The following TMEM175 variants were observed in gnomAD, a reference collection of about 807,000 sequenced individuals.
TMEM175 encodes endosomal/lysosomal proton channel TMEM175.
Under a neutral mutation model 36.5 loss-of-function variants are expected in TMEM175, and 36 were observed. The observed-to-expected ratio is 0.99, with a 90% CI of 0.76 to 1.30. The LOEUF (loss-of-function observed/expected upper bound fraction) is 1.30, where lower values mean the gene tolerates loss of function less well. Among genes scored for constraint, TMEM175 ranks in the 50% most tolerant of loss-of-function variants. TMEM175 has a pLI of 0.00. For synonymous variants in TMEM175, 339 were observed against 313.4 expected (o/e 1.08, Z -0.86); for missense variants, 705 against 692.8 (o/e 1.02, Z -0.20).
At chr4:946,786 A>G (rs1728190418) in intron 1 of TMEM175, among the ~76,000 whole-genome samples, 1 of 152,154 alleles carries the variant, frequency 6.6e-6, no homozygotes, top group African/African-American at 2.4e-5. Flanking sequence ...CTGGCTACAT[A>G]TGCAGGGCCT....
intron 2 of TMEM175, 43 bp from the exon 3 acceptor site, chr4:948,073 G>A (rs747219678): frequency 1.2e-5 from 20 of 1,614,050 alleles, no homozygotes; most frequent in Middle Eastern, 1.6e-4. Context: ...TCCAACAAGC[G>A]TCTCTTGCTC....
At position 958,186 on chromosome 4, in the gene TMEM175, C is replaced by T. The variant is rs370082052; in HGVS notation, c.1205C>T (p.Ala402Val). 2.2e-5 allele frequency: 36 copies of T among 1,603,162 alleles called. No homozygotes were observed. The highest frequency in any genetic ancestry group is 2.5e-5 in the Non-Finnish European group (30 of 1,178,398). The stretch of plus-strand genomic sequence containing the variant: ...TGGACCACGGCGCTGCTGCACCAGG[C>T]GGAGACGCTGCAGCCCTCGGTGTGG... ...AMWTTALLHQ[A>V]ETLQPSVWFG... Residue 402 changes from alanine (A) to valine (V), a missense_variant, in exon 11 of 11, where the codon GCG (alanine) becomes GTG (valine). Transcript: ENST00000264771.
chr4:934,396 AAG>A (rs1385041855), intron 1 of TMEM175, among the ~76,000 whole-genome samples: 1 of 152,236 alleles, frequency 6.6e-6, no homozygotes, highest in Non-Finnish European at 1.5e-5. Flanking sequence ...GAGTGCAGCT[AAG>A]AGTGTCGAAT....
chr4:950,783 G>T (rs568667704), intron 4 of TMEM175, among the ~76,000 whole-genome samples: 184 of 148,464 alleles, frequency 1.2e-3, no homozygotes, highest in African/African-American at 4.1e-3. Context: ...TGGTGCAGTA[G>T]GCGGAGGTGT....
In TMEM175 at chr4:956,040, C is replaced by T. The variant is rs1256058123; in HGVS notation, c.842+150C>T. 3 of 1,035,070 alleles carry T rather than the reference C, an allele frequency of 2.9e-6. No individual in the cohort carries two copies. In the African/African-American group the frequency reaches 5.2e-5, roughly 18 times the overall value. 64.1% of individuals were successfully genotyped at this position (1,035,070 alleles called of 1,614,324 possible). On this transcript the variant is annotated intron_variant, in intron 10 of 10. Transcript: ENST00000264771. The stretch of plus-strand genomic sequence containing the variant: ...GAGTTTTGTGTGAGGTCAGGGCAGC[C>T]CCCACTTCAGGGAGGACAACCTTCC...
At chr4:954,851 C>T (rs1433988688) in intron 8 of TMEM175, among the ~76,000 whole-genome samples, 6 of 152,302 alleles carry the variant, frequency 3.9e-5, no homozygotes, top group Non-Finnish European at 8.8e-5. Flanking sequence ...TGAAGAATCT[C>T]GTTGTGGTTT....
At chr4:935,334 A>G (rs1726668997) in intron 1 of TMEM175, among the ~76,000 whole-genome samples, 1 of 152,240 alleles carries the variant, frequency 6.6e-6, no homozygotes, top group African/African-American at 2.4e-5. Context: ...ATACTGCTAC[A>G]TGTATAAACA....
chr4:953,396 G>C (rs1348647746), intron 8 of TMEM175, 42 bp downstream of exon 8: 2 of 1,559,936 alleles, frequency 1.3e-6, no homozygotes, highest in Non-Finnish European at 1.7e-6. Context: ...CAGGAACGGG[G>C]GCCACCATAG....
At chr4:939,755 T>A (rs951877404) in intron 1 of TMEM175, among the ~76,000 whole-genome samples, 1 of 152,114 alleles carries the variant, frequency 6.6e-6, no homozygotes, top group Non-Finnish European at 1.5e-5. Flanking sequence ...TACCTAGCAT[T>A]ATGTATAAAA....
At chr4:936,675 G>A (rs1259348264) in intron 1 of TMEM175, among the ~76,000 whole-genome samples, 1 of 152,212 alleles carries the variant, frequency 6.6e-6, no homozygotes, top group Non-Finnish European at 1.5e-5. Context: ...ATTGTGTTGG[G>A]CCCGGCGCGG....
chr4:939,190 A>C (rs1432425983), intron 1 of TMEM175, among the ~76,000 whole-genome samples: 8 of 152,240 alleles, frequency 5.3e-5, no homozygotes, highest in Admixed American at 5.2e-4. Flanking sequence ...TCTATGCTGA[A>C]TTGATTTTTT....
chr4:941,007 A>AAATAATAAAAT (rs1727388638), intron 1 of TMEM175, among the ~76,000 whole-genome samples: 2 of 131,864 alleles, frequency 1.5e-5, no homozygotes, highest in Non-Finnish European at 3.1e-5. Flanking sequence ...CTCCGTCTCA[A>AAATAATAAAAT]AATAATAATA....
intron 1 of TMEM175, among the ~76,000 whole-genome samples, chr4:946,878 G>A (rs989234051): frequency 1.5e-4 from 23 of 149,526 alleles, no homozygotes; most frequent in African/African-American, 5.7e-4. Flanking sequence ...CGCCGAGACC[G>A]AGGGAGAGCG....
intron 1 of TMEM175, among the ~76,000 whole-genome samples, chr4:933,596 T>G (rs1161516826): frequency 2.0e-5 from 3 of 152,236 alleles, no homozygotes; most frequent in Admixed American, 6.5e-5. Flanking sequence ...TGTTACCAAT[T>G]ACCTAGAGTG....
chr4:956,563 C>T (rs893726988), intron 10 of TMEM175: 5 of 953,414 alleles, frequency 5.2e-6, no homozygotes, highest in Non-Finnish European at 5.6e-6. Flanking sequence ...CTGCCTCAGC[C>T]TCCCAAGTAG....
At position 958,325 on chromosome 4, in the gene TMEM175, C is replaced by T; in HGVS notation, c.1344C>T (p.Phe448=). The T allele has an allele frequency of 6.2e-7, 1 of 1,605,356 alleles. No homozygotes were observed. The highest frequency in any genetic ancestry group is 2.2e-5 in the East Asian group (1 of 44,870). The change falls in exon 11 of 11, where the codon TTC becomes TTT. Residue 448 remains phenylalanine (F), a synonymous_variant. Transcript: ENST00000264771. ...TGAGCAGGTTCAGTGTGGGCATCTT[C>T]CACCTCATGCAGATCGCCGTGCCCT... ...CLLSRFSVGI[F]HLMQIAVPCA...
intron 5 of TMEM175, 168 bp from the exon 6 acceptor site, chr4:951,514 A>T: frequency 1.1e-6 from 1 of 879,950 alleles, no homozygotes; most frequent in South Asian, 1.6e-5. Flanking sequence ...GACAGAGAGG[A>T]TGAGTGCCCC....
intron 10 of TMEM175, chr4:956,411 G>A (rs559887815): frequency 1.0e-4 from 133 of 1,287,250 alleles, no homozygotes; most frequent in South Asian, 7.2e-4. Flanking sequence ...CGCGCGTCTC[G>A]TCTCAGTCGT....
rs368386376 is a variant in TMEM175, at chr4:955,579, C to T, written c.706+96C>T. The T allele has an allele frequency of 1.7e-4, 250 of 1,465,358 alleles. 1 individual carries two copies. Among genetic ancestry groups the T allele is most frequent in the African/African-American group, 3.6e-4 (26 of 71,702 alleles). 90.8% of individuals were successfully genotyped at this position (1,465,358 alleles called of 1,614,324 possible). Reference sequence around the variant, plus strand: ...TGAGGGCTGTCCGTGGGCCGAGGCCCGTGTGCGTGGTGGTGGCTGGGGCTC... The same window carrying T: ...TGAGGGCTGTCCGTGGGCCGAGGCCTGTGTGCGTGGTGGTGGCTGGGGCTC... On this transcript the variant is annotated intron_variant, in intron 9 of 10. Transcript: ENST00000264771.
Sources: allele counts gnomAD v4.1 joint callset (sites outside exome capture counted in the v4.1 genomes callset), GRCh38; gene constraint gnomAD v4.1.1; transcripts MANE v1.5; gene names NCBI Gene and HGNC (gene_info 2026-07-23, HGNC 2026-07-21).